Variants in PDE4B observed in about 807,000 individuals in gnomAD.
The protein encoded by PDE4B is 3',5'-cyclic-AMP phosphodiesterase 4B.
A neutral mutation model predicts 82.2 loss-of-function variants in PDE4B; 20 were observed. That is an observed-to-expected ratio of 0.24 (90% CI 0.17 to 0.35). The LOEUF (loss-of-function observed/expected upper bound fraction) is 0.35, where lower values mean the gene tolerates loss of function less well. PDE4B is among the 10% of genes least tolerant of loss of function. The pLI is 1.00. For synonymous variants in PDE4B, 320 were observed against 318.9 expected, an observed-to-expected ratio of 1.00 and a Z score of -0.04; for missense variants, 655 against 907.2, an observed-to-expected ratio of 0.72 and a Z score of 3.57.
chr1:66,205,178 A>G (rs956303795), intron 3 of PDE4B, among the ~76,000 whole-genome samples: 1 of 152,230 alleles, frequency 6.6e-6, no homozygotes, highest in Admixed American at 6.5e-5. Flanking sequence ...ACTGAGGTCA[A>G]TAGCCCACCC....
intron 7 of PDE4B, among the ~76,000 whole-genome samples, chr1:66,266,319 A>G (rs565048916): frequency 1.1e-3 from 161 of 152,354 alleles, no homozygotes; most frequent in Non-Finnish European, 2.0e-3. Context: ...CTTTCAGAAT[A>G]TGATAAACAT....
intron 1 of PDE4B, among the ~76,000 whole-genome samples, chr1:65,862,390 G>C (rs1262798743): frequency 6.6e-6 from 1 of 152,142 alleles, no homozygotes; most frequent in East Asian, 1.9e-4. Context: ...TGCATCCTAG[G>C]GATGAAGCTG....
intron 4 of PDE4B, among the ~76,000 whole-genome samples, chr1:66,250,328 A>T (rs1202456366): frequency 2.0e-5 from 3 of 152,112 alleles, no homozygotes; most frequent in Non-Finnish European, 4.4e-5. Flanking sequence ...CCCAGCACAG[A>T]GCTGTCATGA....
intron 7 of PDE4B, among the ~76,000 whole-genome samples, chr1:66,296,751 A>C (rs938708311): frequency 2.0e-5 from 3 of 152,178 alleles, no homozygotes; most frequent in Non-Finnish European, 2.9e-5. Context: ...TATTTTGTAC[A>C]TAATAGACCA....
chr1:65,881,086 T>A (rs2100341584), intron 1 of PDE4B, among the ~76,000 whole-genome samples: 1 of 152,338 alleles, frequency 6.6e-6, no homozygotes, highest in African/African-American at 2.4e-5. Flanking sequence ...TCACCATTCC[T>A]TGTCAGTTTC....
intron 1 of PDE4B, among the ~76,000 whole-genome samples, chr1:65,911,523 T>C (rs1216420336): frequency 6.6e-6 from 1 of 152,170 alleles, no homozygotes; most frequent in Admixed American, 6.6e-5. Flanking sequence ...CTGAACTTTT[T>C]TTTTTTCAGG....
intron 1 of PDE4B, among the ~76,000 whole-genome samples, chr1:65,888,988 T>C (rs188315530): frequency 6.6e-6 from 1 of 152,238 alleles, no homozygotes; most frequent in Non-Finnish European, 1.5e-5. Context: ...ATAGGAGCAG[T>C]GAGAGTGGGC....
At chr1:65,812,942 C>A (rs149874828) in intron 1 of PDE4B, among the ~76,000 whole-genome samples, 1 of 152,090 alleles carries the variant, frequency 6.6e-6, no homozygotes, top group Admixed American at 6.5e-5. Context: ...CCCAGGAATA[C>A]AAAACCTTAA....
Position 66,037,002 on chromosome 1 carries a change from C to T in PDE4B, c.281+118167C>T, listed in dbSNP as rs547762225. 6.6e-5 allele frequency among the ~76,000 whole-genome samples: 10 copies of T among 151,408 alleles called. No individual in the cohort carries two copies. The East Asian group carries it at 1.6e-3, about 24-fold the overall frequency. On this transcript the variant is annotated intron_variant, in intron 3 of 16. Coordinates refer to ENST00000341517, the MANE Select transcript of PDE4B (RefSeq NM_002600.4). ...ACAAAAAGTTCGCCGGGTATGGTGG[C>T]GTGACCTGTAGTCCCAACTACTTGG...
intron 3 of PDE4B, among the ~76,000 whole-genome samples, chr1:66,198,749 A>T (rs183264812): frequency 9.3e-4 from 142 of 152,162 alleles, no homozygotes; most frequent in African/African-American, 3.2e-3. Context: ...TCCTAATGCT[A>T]TCCCTCCCCC....
At chr1:65,942,205 C>T (rs1369068176) in intron 3 of PDE4B, among the ~76,000 whole-genome samples, 2 of 151,642 alleles carry the variant, frequency 1.3e-5, no homozygotes, top group Non-Finnish European at 3.0e-5. Context: ...TCAGTCCCTG[C>T]TAAGCATAAT....
intron 7 of PDE4B, chr1:66,332,195 C>T (rs1053271004): frequency 1.4e-6 from 2 of 1,427,422 alleles, no homozygotes; most frequent in Non-Finnish European, 1.8e-6. Context: ...TTTTAGGACA[C>T]ATTTATGCAG....
intron 1 of PDE4B, among the ~76,000 whole-genome samples, chr1:65,880,581 A>G (rs1210676583): frequency 2.6e-5 from 4 of 152,196 alleles, no homozygotes; most frequent in Non-Finnish European, 2.9e-5. Flanking sequence ...AAGTGACCCC[A>G]GAGGGACCCC....
chr1:66,087,476 T>C (rs2100979807), intron 3 of PDE4B, among the ~76,000 whole-genome samples: 1 of 152,312 alleles, frequency 6.6e-6, no homozygotes, highest in South Asian at 2.1e-4. Flanking sequence ...TTTCTTTTGC[T>C]GTGCAGAAGC....
chr1:66,198,326 C>T (rs546930010), intron 3 of PDE4B, among the ~76,000 whole-genome samples: 1 of 152,200 alleles, frequency 6.6e-6, no homozygotes, highest in South Asian at 2.1e-4. Flanking sequence ...TGCACAGCTA[C>T]TTTTTAAAAT....
At chr1:66,321,479 T>C (rs1659399294) in intron 7 of PDE4B, among the ~76,000 whole-genome samples, 1 of 152,146 alleles carries the variant, frequency 6.6e-6, no homozygotes, top group African/African-American at 2.4e-5. Flanking sequence ...TATAACAAAA[T>C]ATCTGAGATT....
intron 1 of PDE4B, among the ~76,000 whole-genome samples, chr1:65,847,471 C>A (rs75817237): frequency 0.03 from 4,550 of 152,306 alleles, 104 homozygotes; most frequent in South Asian, 0.061. Flanking sequence ...ATGGCTGTGG[C>A]CTTCAGATCT....
intron 3 of PDE4B, among the ~76,000 whole-genome samples, chr1:66,147,945 G>T (rs1646308855): frequency 6.6e-6 from 1 of 152,018 alleles, no homozygotes; most frequent in Admixed American, 6.6e-5. Context: ...CTCTTCTTTG[G>T]GGCATCACTA....
chr1:66,183,075 C>A (rs1167187663), intron 3 of PDE4B, among the ~76,000 whole-genome samples: 3 of 152,134 alleles, frequency 2.0e-5, no homozygotes, highest in African/African-American at 7.2e-5. Flanking sequence ...TGGGAAACAG[C>A]TTTCTTTGGA....
Sources: gnomAD v4.1 joint callset for allele counts (sites outside exome capture counted in the v4.1 genomes callset) on GRCh38, gnomAD v4.1.1 for gene constraint, MANE v1.5 for transcripts, NCBI Gene and HGNC (gene_info 2026-07-23, HGNC 2026-07-21) for gene names.